The following EXPH5 variants were observed in gnomAD, a reference collection of about 807,000 sequenced individuals.
EXPH5 encodes the protein exophilin-5.
A neutral mutation model predicts 41.1 loss-of-function variants in EXPH5; 42 were observed. That is an observed-to-expected ratio of 1.02 (90% CI 0.80 to 1.32). EXPH5 has a LOEUF of 1.32. Among genes scored for constraint, EXPH5 ranks in the 40% most tolerant of loss-of-function variants. The pLI is 0.00. For missense variants in EXPH5, 2,298 were observed against 2,314.5 expected (o/e 0.99, Z 0.15); for synonymous variants, 798 against 833.5 (o/e 0.96, Z 0.73).
the EXPH5 span, among the ~76,000 whole-genome samples, chr11:108,607,016 CTG>C: frequency 1.3e-5 from 2 of 152,198 alleles, no homozygotes; most frequent in African/African-American, 4.8e-5. Context: ...CTAAAAATCT[CTG>C]TCTCAGGAAG....
chr11:108,598,834 C>G, the EXPH5 span, among the ~76,000 whole-genome samples: 16 of 152,116 alleles, frequency 1.1e-4, no homozygotes, highest in South Asian at 3.1e-3. Context: ...GGGAGCTAGG[C>G]CAAGCAAGGG....
intron 1 of EXPH5, among the ~76,000 whole-genome samples, chr11:108,590,324 G>A (rs974096747): frequency 3.9e-5 from 6 of 152,014 alleles, no homozygotes; most frequent in Non-Finnish European, 7.4e-5. Flanking sequence ...TATGTTTACT[G>A]TTTGGATATC....
the EXPH5 span, among the ~76,000 whole-genome samples, chr11:108,603,904 G>A: frequency 3.9e-5 from 6 of 152,134 alleles, no homozygotes; most frequent in Non-Finnish European, 5.9e-5. Context: ...CAGGAGAAGC[G>A]AACACAGACT....
At chr11:108,601,601 G>T in the EXPH5 span, among the ~76,000 whole-genome samples, 6,021 of 152,064 alleles carry the variant, frequency 0.04, 123 homozygotes, top group Middle Eastern at 0.051. Context: ...ATTTAAATAT[G>T]ACAAATAGTA....
Position 108,516,837 on chromosome 11 carries a change from G to C in EXPH5, c.631+1398C>G, listed in dbSNP as rs956466269. 3.9e-5 allele frequency among the ~76,000 whole-genome samples: 6 copies of C among 152,094 alleles called. No individual in the cohort carries two copies. The South Asian group carries it at 1.2e-3, about 32-fold the overall frequency. On this transcript the variant is annotated intron_variant, in intron 5 of 5. Transcript: ENST00000265843. Reference sequence around the variant, plus strand: ...TATTTATTTACCCCTAGGACCTGAAGTAATTTGTTCCCTATAGCCACAATA... The same window carrying C: ...TATTTATTTACCCCTAGGACCTGAACTAATTTGTTCCCTATAGCCACAATA...
the EXPH5 span, among the ~76,000 whole-genome samples, chr11:108,606,354 C>T: frequency 6.6e-6 from 1 of 152,180 alleles, no homozygotes; most frequent in Admixed American, 6.5e-5. Context: ...TCTTTCCCCA[C>T]CTTCTGCTCC....
At chr11:108,553,087 A>G (rs1182799207) in intron 1 of EXPH5, among the ~76,000 whole-genome samples, 1 of 152,030 alleles carries the variant, frequency 6.6e-6, no homozygotes, top group Non-Finnish European at 1.5e-5. Context: ...AATCCCAGCT[A>G]CCTGGGGAGG....
At chr11:108,597,155 C>CAAGTG (rs1189925022), upstream of EXPH5, among the ~76,000 whole-genome samples, 223 of 152,284 alleles carry the variant, frequency 1.5e-3, 1 homozygote, top group African/African-American at 5.2e-3. Context: ...AGCCAAGAGA[C>CAAGTG]ATGCTGATCA....
chr11:108,531,186 C>T (rs1400740978), intron 3 of EXPH5, among the ~76,000 whole-genome samples: 2 of 152,182 alleles, frequency 1.3e-5, no homozygotes, highest in African/African-American at 2.4e-5. Flanking sequence ...CACAATTTCT[C>T]TTCTGGACTC....
At chr11:108,603,604 G>T in the EXPH5 span, among the ~76,000 whole-genome samples, 1 of 152,196 alleles carries the variant, frequency 6.6e-6, no homozygotes, top group Non-Finnish European at 1.5e-5. Context: ...GTAAGCTGGG[G>T]ATAGTCCACA....
intron 1 of EXPH5, among the ~76,000 whole-genome samples, 157 bp downstream of exon 1, chr11:108,593,261 A>G (rs1171533242): frequency 6.6e-6 from 1 of 151,512 alleles, no homozygotes; most frequent in Non-Finnish European, 1.5e-5. Context: ...TCAGGGAGCA[A>G]CTCCGCGCAG....
chr11:108,592,721 G>A (rs1287183775), intron 1 of EXPH5, among the ~76,000 whole-genome samples: 3 of 152,164 alleles, frequency 2.0e-5, no homozygotes. Context: ...TAAGGTCAAG[G>A]ATGAAATTTC....
intron 3 of EXPH5, among the ~76,000 whole-genome samples, chr11:108,536,189 G>C (rs903788880): frequency 6.6e-6 from 1 of 152,066 alleles, no homozygotes; most frequent in African/African-American, 2.4e-5. Context: ...TTACAAATAG[G>C]ATTAAAATCA....
At chr11:108,539,648 C>G (rs2852184) in intron 2 of EXPH5, among the ~76,000 whole-genome samples, 1 of 152,220 alleles carries the variant, frequency 6.6e-6, no homozygotes, top group Non-Finnish European at 1.5e-5. Flanking sequence ...TCCAAAATCT[C>G]TCTCTGTGGA....
Position 108,543,990 on chromosome 11 carries a change from T to C in EXPH5, c.120-2178A>G, listed in dbSNP as rs566294047. Among the ~76,000 whole-genome samples the C allele has an allele frequency of 2.9e-4, 44 of 152,294 alleles. 1 individual carries two copies. The South Asian group carries it at 8.7e-3, about 30-fold the overall frequency. ...CTCACTTACTAATGCCCCACATTTGTACACAACCTCCACTTCCTTGGAGCC... is the reference window on the plus strand; with the variant it reads ...CTCACTTACTAATGCCCCACATTTGCACACAACCTCCACTTCCTTGGAGCC... On this transcript the variant is annotated intron_variant, in intron 1 of 5. Coordinates refer to ENST00000265843, the MANE Select transcript of EXPH5 (RefSeq NM_015065.3).
Position 108,593,450 on chromosome 11 carries a change from C to T in EXPH5, c.87G>A (p.Glu29=), listed in dbSNP as rs1347772073. 2 of 1,614,082 alleles carry T rather than the reference C, an allele frequency of 1.2e-6. No homozygotes were observed. Among genetic ancestry groups the T allele is most frequent in the East Asian group, 2.2e-5 (1 of 44,892 alleles). Reference sequence around the variant, plus strand: ...TGTCCTTCTCGGCCCTCTGTAACTCCTCATTCCTTTCCAGCACCTGAAGGA... The same window carrying T: ...TGTCCTTCTCGGCCCTCTGTAACTCTTCATTCCTTTCCAGCACCTGAAGGA... The part of the protein sequence containing the change: ...RKILQVLERN[E]ELQRAEKDRI... Residue 29 remains glutamate (E), a synonymous_variant, in exon 1 of 6, where the codon GAG becomes GAA. Transcript: ENST00000265843.
chr11:108,546,403 T>C (rs2093938450), intron 1 of EXPH5, among the ~76,000 whole-genome samples: 1 of 151,938 alleles, frequency 6.6e-6, no homozygotes, highest in Admixed American at 6.6e-5. Context: ...TGGACCAGGA[T>C]GGTAGTGGGG....
intron 1 of EXPH5, among the ~76,000 whole-genome samples, chr11:108,592,879 CGTGAG>C (rs2094130832): frequency 6.6e-6 from 1 of 152,240 alleles, no homozygotes; most frequent in East Asian, 1.9e-4. Flanking sequence ...TTTCGCCTCC[CGTGAG>C]GTGCCGGCTC....
In EXPH5 at chr11:108,514,761, C is replaced by T; in HGVS notation, c.746G>A (p.Gly249Asp). The T allele has an allele frequency of 6.2e-7, 1 of 1,611,374 alleles. No individual in the cohort carries two copies. The highest frequency in any genetic ancestry group is 8.5e-7 in the Non-Finnish European group (1 of 1,179,182). The change falls in exon 6 of 6, where the codon GGT (glycine) becomes GAT (aspartate). Residue 249 changes from glycine (G) to aspartate (D), a missense_variant. Coordinates refer to ENST00000265843, the MANE Select transcript of EXPH5 (RefSeq NM_015065.3). ...TTCTGTGATATTACCATGTCTGTTA[C>T]CACTGGAATAAAAGTGACCGAACTG... ...RTQFGHFYSSGNRHGNITERH... is the reference protein window; with the variant it reads ...RTQFGHFYSSDNRHGNITERH...
Sources: gnomAD v4.1 joint callset for allele counts (sites outside exome capture counted in the v4.1 genomes callset) on GRCh38, gnomAD v4.1.1 for gene constraint, MANE v1.5 for transcripts, NCBI Gene and HGNC (gene_info 2026-07-23, HGNC 2026-07-21) for gene names.